The following CCDC88C variants were observed in gnomAD, a reference collection of about 807,000 sequenced individuals.
The protein encoded by CCDC88C is coiled-coil and HOOK domain protein 88C, also known as protein Daple.
CCDC88C carries 131 observed loss-of-function variants against 198.8 expected under a neutral mutation model. The ratio of observed to expected loss-of-function variants is 0.66; its 90% CI spans 0.57 to 0.76. CCDC88C has a LOEUF of 0.76. Ranked by LOEUF, CCDC88C falls within the 30% of genes least tolerant of loss-of-function variation. The probability of loss-of-function intolerance (pLI) is 0.00; values close to 1 mark genes in which losing one functional copy is unlikely to be tolerated. For missense variants in CCDC88C, 2,553 were observed against 2,631.6 expected (o/e 0.97, Z 0.65); for synonymous variants, 1,166 against 1,114.7 (o/e 1.05, Z -0.92).
At chr14:91,350,089 T>A (rs1005490364) in intron 4 of CCDC88C, among the ~76,000 whole-genome samples, 1 of 152,084 alleles carries the variant, frequency 6.6e-6, no homozygotes, top group African/African-American at 2.4e-5. Context: ...CCATGACTGG[T>A]ACATAATGTG....
chr14:91,307,292 G>A, intron 17 of CCDC88C, 66 bp from the exon 18 acceptor site: 1 of 1,439,222 alleles, frequency 6.9e-7, no homozygotes, highest in Non-Finnish European at 9.7e-7. Flanking sequence ...CCCCGAGTGA[G>A]TGGCTGAGGG....
chr14:91,328,744 G>A (rs74084731), intron 10 of CCDC88C, among the ~76,000 whole-genome samples: 2,501 of 152,266 alleles, frequency 0.016, 64 homozygotes, highest in African/African-American at 0.056. Flanking sequence ...CGGATGATGC[G>A]TGTGAAATAC....
At chr14:91,344,619 C>T (rs1044483636) in intron 4 of CCDC88C, among the ~76,000 whole-genome samples, 1 of 151,528 alleles carries the variant, frequency 6.6e-6, no homozygotes, top group African/African-American at 2.4e-5. Context: ...TCATGCCATT[C>T]TCCTGCCTCA....
At chr14:91,322,901 T>C (rs1892415405) in intron 12 of CCDC88C, among the ~76,000 whole-genome samples, 1 of 118,900 alleles carries the variant, frequency 8.4e-6, no homozygotes, top group Non-Finnish European at 2.0e-5. Context: ...CGCCAGTGTT[T>C]CTCTTTTTTT....
intron 3 of CCDC88C, among the ~76,000 whole-genome samples, chr14:91,382,167 G>A (rs1460642189): frequency 6.6e-6 from 1 of 152,100 alleles, no homozygotes; most frequent in African/African-American, 2.4e-5. Context: ...ACTGTGTATG[G>A]AGCGCTACTG....
rs767897038 is a variant in CCDC88C, at chr14:91,321,193, G to C, written c.1454C>G (p.Ala485Gly). The C allele has an allele frequency of 9.9e-6, 16 of 1,612,356 alleles. No individual in the cohort carries two copies. In the East Asian group the frequency reaches 3.6e-4, roughly 36 times the overall value. Residue 485 changes from alanine to glycine, a missense_variant, in exon 13 of 30, where the codon GCG becomes GGG. By Grantham distance (60) the Ala-to-Gly change is moderately conservative (BLOSUM62 0). Transcript: ENST00000389857. ...LQSTIQGLRDASLVLEESGLK... is the reference protein window; with the variant it reads ...LQSTIQGLRDGSLVLEESGLK... ...GCCGCTCTCCTCCAACACCAGGGAC[G>C]CGTCCCGCAGCCCCTGGATGGTGCT...
rs371069846 is a variant in CCDC88C at position 91,339,907 on chromosome 14, C to T, written c.601G>A (p.Asp201Asn). The T allele has an allele frequency of 3.1e-5, 49 of 1,591,206 alleles. No individual in the cohort carries two copies. The highest frequency in any genetic ancestry group is 1.8e-4 in the Middle Eastern group (1 of 5,714). The change falls in exon 7 of 30, where the codon GAC becomes AAC. Residue 201 changes from aspartate (D) to asparagine (N), a missense_variant. By Grantham distance (23) the Asp-to-Asn change is conservative (BLOSUM62 1). Coordinates refer to ENST00000389857, the MANE Select transcript of CCDC88C (RefSeq NM_001080414.4). The surrounding 1 kb of genome is among the most constrained non-coding windows in gnomAD (Gnocchi z 5.8). ...SMVLHLRRLI[D>N]QRDECTELIV... ...ACCTCGGTGCACTCGTCCCGCTGGT[C>T]GATGAGCCTCCGCAGGTGGAGCACC...
At chr14:91,299,902 T>C in intron 21 of CCDC88C, 25 bp downstream of exon 21, 1 of 1,569,976 alleles carries the variant, frequency 6.4e-7, no homozygotes, top group Non-Finnish European at 8.6e-7. Context: ...TGCTGCTATG[T>C]GCAGGGCCGG....
chr14:91,343,254 G>A (rs1055062542), intron 5 of CCDC88C, among the ~76,000 whole-genome samples: 1 of 152,080 alleles, frequency 6.6e-6, no homozygotes, highest in Non-Finnish European at 1.5e-5. Context: ...CACTGCACTC[G>A]GCCCAATAAA....
intron 3 of CCDC88C, among the ~76,000 whole-genome samples, chr14:91,403,853 C>A (rs1166182768): frequency 1.3e-5 from 2 of 152,206 alleles, no homozygotes; most frequent in African/African-American, 4.8e-5. Context: ...TCGCCTGAGC[C>A]CAGTGGAGGG....
At chr14:91,393,466 G>A (rs1885652476) in intron 3 of CCDC88C, among the ~76,000 whole-genome samples, 1 of 152,134 alleles carries the variant, frequency 6.6e-6, no homozygotes, top group African/African-American at 2.4e-5. Flanking sequence ...CCTCCCAGAC[G>A]GCCCACACCT....
chr14:91,275,891 G>A lies in CCDC88C; in HGVS notation c.5058+2031C>T, dbSNP rs542059674. Among the ~76,000 whole-genome samples the A allele has an allele frequency of 3.1e-5, 4 of 129,388 alleles. No individual in the cohort carries two copies. The East Asian group carries it at 9.1e-4, about 30-fold the overall frequency. The allele number at this position is 129,388 out of a possible 152,430, so 84.9% of individuals were successfully genotyped here. ...GGCTGGAGTGCAGTGGCGCGATCTC[G>A]ACTCACTGCAAGCTCCGCCTCCCGG... On this transcript the variant is annotated intron_variant, in intron 29 of 29. Transcript: ENST00000389857.
chr14:91,303,500 C>G (rs1237850807), intron 20 of CCDC88C, among the ~76,000 whole-genome samples: 2 of 147,850 alleles, frequency 1.4e-5, no homozygotes. Context: ...CCACCCCTCT[C>G]CCCAGGCCCC....
In CCDC88C at chr14:91,272,652, G is replaced by C. The variant is rs367661539; in HGVS notation, c.6060C>G (p.Thr2020=). The change falls in exon 30 of 30, where the codon ACC becomes ACG. Residue 2020 remains threonine, a synonymous_variant. Coordinates refer to ENST00000389857, the MANE Select transcript of CCDC88C (RefSeq NM_001080414.4). ...ASPEPGGDPQ[T]VWYEYGCV is the part of the protein sequence containing the mutation. The stretch of plus-strand genomic sequence containing the variant: ...ACACACAGCCGTACTCATACCACAC[G>C]GTCTGCGGATCCCCGCCGGGCTCCG... The C allele has an allele frequency of 4.3e-6, 7 of 1,611,218 alleles. No individual in the cohort carries two copies. The highest frequency in any genetic ancestry group is 1.3e-5 in the African/African-American group (1 of 75,054).
At chr14:91,358,077 A>T (rs1320396077) in intron 4 of CCDC88C, among the ~76,000 whole-genome samples, 1 of 152,188 alleles carries the variant, frequency 6.6e-6, no homozygotes, top group African/African-American at 2.4e-5. Context: ...GCAAAGGCGG[A>T]CACCTCAGCC....
intron 3 of CCDC88C, among the ~76,000 whole-genome samples, chr14:91,360,431 G>A (rs921863730): frequency 3.9e-5 from 6 of 151,928 alleles, no homozygotes; most frequent in African/African-American, 7.3e-5. Context: ...GGGAACAGAT[G>A]GAGATCCTGT....
intron 4 of CCDC88C, among the ~76,000 whole-genome samples, chr14:91,346,933 G>A (rs1027398212): frequency 6.6e-6 from 1 of 152,156 alleles, no homozygotes; most frequent in Admixed American, 6.6e-5. Flanking sequence ...GCCCACATGA[G>A]TGTTAACAAA....
At position 91,339,849 on chromosome 14, in the gene CCDC88C, C is replaced by A. The variant is rs1366593424; in HGVS notation, c.624+35G>T. 1.3e-6 allele frequency: 2 copies of A among 1,556,720 alleles called. No homozygotes were observed. Among genetic ancestry groups the A allele is most frequent in the Admixed American group, 3.7e-5 (2 of 53,984 alleles). Reference sequence around the variant, plus strand: ...GGAGATGAAGGGGCCTAAGCCCCTTCCCAGGCTGACCGGGCCACCGACCCG... The same window carrying A: ...GGAGATGAAGGGGCCTAAGCCCCTTACCAGGCTGACCGGGCCACCGACCCG... On this transcript the variant is annotated intron_variant, in intron 7 of 29. Coordinates refer to ENST00000389857, the MANE Select transcript of CCDC88C (RefSeq NM_001080414.4). This position sits in a 1 kb window ranked among gnomAD's most constrained non-coding sequence, Gnocchi z 5.8.
rs1891531631 is a variant in CCDC88C, at chr14:91,305,792, T to C, written c.3330A>G (p.Thr1110=). 3 of 1,612,190 alleles carry C rather than the reference T, an allele frequency of 1.9e-6. No individual in the cohort carries two copies. The highest frequency in any genetic ancestry group is 3.3e-5 in the Admixed American group (2 of 59,964). ...QSAFLQEHNT[T]LQTQTAKLQV... is the part of the protein sequence containing the mutation. ...GCAGCTTGGCGGTCTGGGTCTGCAGTGTGGTGTTGTGCTCCTGCAGGAAGG... is the reference window on the plus strand; with the variant it reads ...GCAGCTTGGCGGTCTGGGTCTGCAGCGTGGTGTTGTGCTCCTGCAGGAAGG... The change falls in exon 19 of 30, where the codon ACA becomes ACG. Residue 1110 remains threonine, a synonymous_variant. Coordinates refer to ENST00000389857, the MANE Select transcript of CCDC88C (RefSeq NM_001080414.4).
Sources: allele counts gnomAD v4.1 joint callset (sites outside exome capture counted in the v4.1 genomes callset), GRCh38; gene constraint gnomAD v4.1.1; non-coding constraint Gnocchi (gnomAD v3.1); transcripts MANE v1.5; gene names NCBI Gene and HGNC (gene_info 2026-07-23, HGNC 2026-07-21).